Variants in EHMT1 observed in about 807,000 individuals in gnomAD.
EHMT1 encodes the protein histone-lysine N-methyltransferase EHMT1.
Under a neutral mutation model 147.2 loss-of-function variants are expected in EHMT1, and 15 were observed. That is an observed-to-expected ratio of 0.10 (90% confidence interval 0.07 to 0.16). The LOEUF is 0.16. EHMT1 is among the 10% of genes least tolerant of loss of function. The pLI, the probability that EHMT1 is intolerant of heterozygous loss-of-function variation, is 1.00. For missense variants in EHMT1, 1,587 were observed against 1,772.4 expected, an observed-to-expected ratio of 0.90 and a Z score of 1.88; for synonymous variants, 795 against 709.6, an observed-to-expected ratio of 1.12 and a Z score of -1.91.
intron 3 of EHMT1, among the ~76,000 whole-genome samples, chr9:137,723,966 A>G (rs1160029517): frequency 6.6e-6 from 1 of 152,234 alleles, no homozygotes; most frequent in Non-Finnish European, 1.5e-5. Flanking sequence ...TGTTAGGGCA[A>G]AGAAAGTGGA....
At position 137,798,832 on chromosome 9, in the gene EHMT1, G is replaced by A; in HGVS notation, c.2525G>A (p.Cys842Tyr). The A allele has an allele frequency of 6.2e-7, 1 of 1,614,156 alleles. No homozygotes were observed. Among genetic ancestry groups the A allele is most frequent in the South Asian group, 1.1e-5 (1 of 91,090 alleles). The change falls in exon 17 of 27, where the codon TGT (cysteine) becomes TAT (tyrosine). Residue 842 changes from cysteine (C) to tyrosine (Y), a missense_variant. This residue lies in a region of EHMT1 where 201 missense variants were observed against 350.1 expected (regional missense o/e 0.57). Transcript: ENST00000460843. ...TTGCAGGACGCAGAGGGCTCTACGT[G>A]TTTGCACCTGGCTGCCAAGAAAGGC... is the stretch of plus-strand genomic sequence containing the variant. Reference protein sequence around the residue: ...VDPKDAEGSTCLHLAAKKGHY... With the variant: ...VDPKDAEGSTYLHLAAKKGHY...
chr9:137,705,483 C>T (rs1385974808), intron 1 of EHMT1, among the ~76,000 whole-genome samples: 7 of 152,336 alleles, frequency 4.6e-5, no homozygotes, highest in Admixed American at 2.6e-4. Flanking sequence ...GTGCATGCTT[C>T]GTGTTCATGC....
At chr9:137,635,506 C>T (rs761539899) in intron 1 of EHMT1, among the ~76,000 whole-genome samples, 11 of 151,538 alleles carry the variant, frequency 7.3e-5, no homozygotes, top group East Asian at 6.1e-4. Flanking sequence ...TGAACCACTG[C>T]GCTCGGCCTT....
chr9:137,787,779 C>G lies in EHMT1; in HGVS notation c.2383-3069C>G. 1.2e-6 allele frequency: 1 copy of G among 837,118 alleles called. No individual in the cohort carries two copies. Among genetic ancestry groups the G allele is most frequent in the Admixed American group, 1.7e-5 (1 of 58,528 alleles). The allele number at this position is 837,118 out of a possible 1,614,324, so 51.9% of individuals were successfully genotyped here. A position where few individuals can be genotyped will look rare whatever the true frequency, so the allele number is the denominator to read the frequency against. ...GGTGACACACCCTGGAAGAGGGCGT[C>G]TAGATCCCAGCCCTGGGGGCCCTCA... On this transcript the variant is annotated intron_variant, in intron 15 of 26. Coordinates refer to ENST00000460843, the MANE Select transcript of EHMT1 (RefSeq NM_024757.5). The surrounding 1 kb of genome is among the most constrained non-coding windows in gnomAD (Gnocchi z 4.2).
At chr9:137,824,395 C>CA (rs1955666896) in intron 25 of EHMT1, among the ~76,000 whole-genome samples, 1 of 152,190 alleles carries the variant, frequency 6.6e-6, no homozygotes, top group South Asian at 2.1e-4. Context: ...AACAATGACA[C>CA]ATTCTCTTGA....
At chr9:137,831,371 C>T (rs962163668) in intron 25 of EHMT1, among the ~76,000 whole-genome samples, 5 of 152,214 alleles carry the variant, frequency 3.3e-5, no homozygotes, top group African/African-American at 4.8e-5. Flanking sequence ...ATTGTCCGTA[C>T]ATGGAAATCT....
chr9:137,654,279 G>A (rs746432836), intron 1 of EHMT1, among the ~76,000 whole-genome samples: 5 of 151,970 alleles, frequency 3.3e-5, no homozygotes, highest in Non-Finnish European at 5.9e-5. Flanking sequence ...CAGAAGTATC[G>A]CTTGGACGTG....
chr9:137,621,815 G>A (rs1842951838), intron 1 of EHMT1, among the ~76,000 whole-genome samples: 1 of 152,006 alleles, frequency 6.6e-6, no homozygotes, highest in Admixed American at 6.6e-5. Flanking sequence ...CAGGCAAGTA[G>A]CAGGGTGGCT....
intron 1 of EHMT1, among the ~76,000 whole-genome samples, chr9:137,705,795 T>C (rs1321287089): frequency 6.6e-6 from 1 of 152,170 alleles, no homozygotes; most frequent in Admixed American, 6.5e-5. Flanking sequence ...GGGATGGCCC[T>C]AGAGGGCTGT....
At chr9:137,810,331 A>G (rs377507049) in intron 18 of EHMT1, among the ~76,000 whole-genome samples, 1 of 152,044 alleles carries the variant, frequency 6.6e-6, no homozygotes, top group East Asian at 1.9e-4. Context: ...AGGAGGCCTC[A>G]GTACCTGGGA....
intron 1 of EHMT1, among the ~76,000 whole-genome samples, chr9:137,684,579 C>T (rs2134648334): frequency 6.6e-6 from 1 of 152,238 alleles, no homozygotes; most frequent in South Asian, 2.1e-4. Flanking sequence ...GCAACCTCCA[C>T]CTCCCAGGCT....
intron 4 of EHMT1, among the ~76,000 whole-genome samples, chr9:137,739,898 G>A (rs980527120): frequency 1.3e-5 from 2 of 152,210 alleles, no homozygotes; most frequent in African/African-American, 4.8e-5. Context: ...GTCTCTGATG[G>A]CAGGGAACAG....
rs549401278 is a variant in EHMT1, at chr9:137,713,173, C to T, written c.85+2143C>T. On this transcript the variant is annotated intron_variant, in intron 2 of 26. Coordinates refer to ENST00000460843, the MANE Select transcript of EHMT1 (RefSeq NM_024757.5). ...GGCTGGAGTGTGATCATGGCTTACT[C>T]TAGCCTCCATCTCCCTGGGCTCAGG... Among the ~76,000 whole-genome samples the T allele has an allele frequency of 2.0e-5, 3 of 152,090 alleles. No homozygotes were observed. In the East Asian group the frequency reaches 5.8e-4, roughly 29 times the overall value.
At chr9:137,749,140 G>A (rs945356296) in intron 6 of EHMT1, among the ~76,000 whole-genome samples, 4 of 152,114 alleles carry the variant, frequency 2.6e-5, no homozygotes, top group African/African-American at 9.7e-5. Context: ...CTCCTGGCCT[G>A]CTCCTGACCT....
In EHMT1 at chr9:137,813,159, G is replaced by A. The variant is rs1166402157; in HGVS notation, c.3021G>A (p.Glu1007=). The A allele has an allele frequency of 1.9e-6, 3 of 1,610,078 alleles. No individual in the cohort carries two copies. Among genetic ancestry groups the A allele is most frequent in the South Asian group, 2.2e-5 (2 of 91,078 alleles). The change falls in exon 20 of 27, where the codon GAG becomes GAA. Residue 1007 remains glutamate, a synonymous_variant. Coordinates refer to ENST00000460843, the MANE Select transcript of EHMT1 (RefSeq NM_024757.5). The surrounding 1 kb of genome is among the most constrained non-coding windows in gnomAD (Gnocchi z 4.9). ...CCCCCGACAGGCCCAGCCCCGTGGA[G>A]AGGATAGTGAGCAGGTGAGCCCAGC... The part of the protein sequence containing the change: ...DSAPDRPSPV[E]RIVSRDIARG...
intron 4 of EHMT1, among the ~76,000 whole-genome samples, chr9:137,736,883 T>C (rs1947582621): frequency 1.4e-5 from 2 of 146,396 alleles, no homozygotes; most frequent in African/African-American, 5.3e-5. Context: ...AGAGTGAGCC[T>C]GTGTCTCAAA....
intron 4 of EHMT1, chr9:137,742,894 C>T (rs1948225194): frequency 4.2e-6 from 1 of 236,068 alleles, no homozygotes; most frequent in Non-Finnish European, 8.3e-6. Context: ...ACTGGCCTGG[C>T]CTGGCCCCTG....
At chr9:137,747,682 G>A (rs1205343029) in intron 6 of EHMT1, 1 of 152,172 alleles carries the variant, frequency 6.6e-6, no homozygotes, top group South Asian at 2.1e-4. Flanking sequence ...TGAATTTGGG[G>A]GGATTACATT....
intron 1 of EHMT1, among the ~76,000 whole-genome samples, chr9:137,700,921 A>T (rs1943771681): frequency 6.6e-6 from 1 of 152,172 alleles, no homozygotes; most frequent in African/African-American, 2.4e-5. Flanking sequence ...TAATCGGTTC[A>T]TGGTTCTGTG....
Sources: allele counts gnomAD v4.1 joint callset (sites outside exome capture counted in the v4.1 genomes callset), GRCh38; gene constraint gnomAD v4.1.1; regional missense constraint gnomAD v4.1.1; non-coding constraint Gnocchi (gnomAD v3.1); transcripts MANE v1.5; gene names NCBI Gene and HGNC (gene_info 2026-07-23, HGNC 2026-07-21).